Variants in RAF1 observed in about 807,000 individuals in gnomAD.
RAF1 encodes Raf-1 proto-oncogene, serine/threonine kinase.
In RAF1, 27 loss-of-function variants were observed where a neutral mutation model predicts 81.1. That is an observed-to-expected ratio of 0.33 (90% confidence interval 0.25 to 0.46). The LOEUF (loss-of-function observed/expected upper bound fraction) is 0.46, where lower values mean the gene tolerates loss of function less well. Ranked by LOEUF, RAF1 falls within the 20% of genes least tolerant of loss-of-function variation. The pLI is 1.00. For missense variants in RAF1, 598 were observed against 826.0 expected, an observed-to-expected ratio of 0.72 and a Z score of 3.38; for synonymous variants, 298 against 294.0, an observed-to-expected ratio of 1.01 and a Z score of -0.14.
Position 12,609,348 on chromosome 3 carries a change from T to TA in RAF1, c.321-14dup, listed in dbSNP as rs202103447. 4,478 of 1,550,984 alleles carry TA rather than the reference T, an allele frequency of 2.9e-3. 112 individuals carry two copies. The East Asian group carries it at 0.054, about 19-fold the overall frequency. On this transcript the variant is annotated splice_polypyrimidine_tract_variant and intron_variant, in intron 3 of 17. Transcript: ENST00000442415. ...GCGTGCTTTTTTACTAGAAAGGATT[T>TA]AAAAAAAACATGAAATGTTTAAACA...
intron 1 of RAF1, among the ~76,000 whole-genome samples, chr3:12,622,275 G>T (rs1290779029): frequency 6.6e-6 from 1 of 152,178 alleles, no homozygotes; most frequent in African/African-American, 2.4e-5. Context: ...AGACTCATCT[G>T]AGCATCTCAC....
chr3:12,649,618 C>T (rs925882597), intron 1 of RAF1, among the ~76,000 whole-genome samples: 7 of 131,990 alleles, frequency 5.3e-5, no homozygotes, highest in Non-Finnish European at 1.1e-4. Context: ...CACACACACA[C>T]ACAGTTTTCA....
intron 1 of RAF1, among the ~76,000 whole-genome samples, chr3:12,662,338 TA>T (rs61275660): frequency 3.6e-4 from 36 of 100,866 alleles, no homozygotes; most frequent in African/African-American, 9.6e-4. Flanking sequence ...CCTGTTCCTT[TA>T]AAAAAAAAAA....
intron 1 of RAF1, among the ~76,000 whole-genome samples, chr3:12,628,098 A>T (rs776832337): frequency 6.6e-6 from 1 of 152,240 alleles, no homozygotes; most frequent in Non-Finnish European, 1.5e-5. Context: ...GGGCAACAAG[A>T]GTGAAACTCC....
intron 1 of RAF1, among the ~76,000 whole-genome samples, chr3:12,621,695 T>C (rs2059561500): frequency 6.6e-6 from 1 of 152,224 alleles, no homozygotes; most frequent in East Asian, 1.9e-4. Context: ...GCACTATTCA[T>C]ACCCTTGAAA....
At chr3:12,661,958 G>A (rs1159169108) in intron 1 of RAF1, among the ~76,000 whole-genome samples, 2 of 151,848 alleles carry the variant, frequency 1.3e-5, no homozygotes, top group East Asian at 3.9e-4. Flanking sequence ...GCTGAAGCTG[G>A]AGGATCACTT....
chr3:12,596,280 G>A (rs1442014824), intron 11 of RAF1, among the ~76,000 whole-genome samples: 1 of 148,800 alleles, frequency 6.7e-6, no homozygotes, highest in Admixed American at 6.8e-5. Context: ...CTGCAACCTC[G>A]CCTCCTGGGT....
chr3:12,586,382 G>GT (rs1423681952), intron 14 of RAF1, among the ~76,000 whole-genome samples: 1 of 152,020 alleles, frequency 6.6e-6, no homozygotes, highest in East Asian at 1.9e-4. Flanking sequence ...AAGTCATACA[G>GT]TTTAAGTCAA....
intron 1 of RAF1, among the ~76,000 whole-genome samples, chr3:12,650,099 T>TCACG (rs1374441868): frequency 8.0e-6 from 1 of 125,244 alleles, no homozygotes; most frequent in Admixed American, 1.0e-4. Flanking sequence ...TGAGCCAAGA[T>TCACG]CACGCCATTG....
At position 12,607,446 on chromosome 3, in the gene RAF1, G is replaced by A. The variant is rs189690160; in HGVS notation, c.582-1147C>T. Among the ~76,000 whole-genome samples, 27 of 152,186 alleles carry A rather than the reference G, an allele frequency of 1.8e-4. No homozygotes were observed. In the East Asian group the frequency reaches 4.3e-3, roughly 24 times the overall value. ...ACAGATTGCTTGAGCTCAGGAGTTC[G>A]AGACCAGCCTGGGCAACATGCTGAA... is the stretch of plus-strand genomic sequence containing the variant. On this transcript the variant is annotated intron_variant, in intron 5 of 17. Coordinates refer to ENST00000442415, the MANE Select transcript of RAF1 (RefSeq NM_001354689.3).
chr3:12,653,387 C>T (rs1384731171), intron 1 of RAF1, among the ~76,000 whole-genome samples: 1 of 152,190 alleles, frequency 6.6e-6, no homozygotes, highest in African/African-American at 2.4e-5. Context: ...CATGTGTCCA[C>T]TTAAAAGGCC....
At chr3:12,598,073 G>C in intron 11 of RAF1, among the ~76,000 whole-genome samples, 1 of 143,780 alleles carries the variant, frequency 7.0e-6, no homozygotes, top group Admixed American at 7.3e-5. Flanking sequence ...ACAGTAGTGT[G>C]TACTCACTGT....
rs147272633 is a variant in RAF1, at chr3:12,653,197, G to A, written c.-27+10616C>T. On this transcript the variant is annotated intron_variant, in intron 1 of 17. Coordinates refer to ENST00000442415, the MANE Select transcript of RAF1 (RefSeq NM_001354689.3). ...CTTGGGAGACTGAGGCAGGAGAATC[G>A]CTTGAACCTGAGAGGCAGAGGTTGC... Among the ~76,000 whole-genome samples the A allele has an allele frequency of 2.8e-3, 428 of 151,078 alleles. 3 individuals carry two copies. The highest frequency in any genetic ancestry group is 9.8e-3 in the African/African-American group (402 of 41,190).
chr3:12,625,480 A>G (rs940316701), intron 1 of RAF1, among the ~76,000 whole-genome samples: 1 of 152,220 alleles, frequency 6.6e-6, no homozygotes, highest in Non-Finnish European at 1.5e-5. Context: ...ACAGCAATCT[A>G]ATAGTATCTA....
intron 8 of RAF1, among the ~76,000 whole-genome samples, chr3:12,601,868 T>C (rs761527766): frequency 2.6e-5 from 4 of 152,048 alleles, no homozygotes; most frequent in Non-Finnish European, 4.4e-5. Flanking sequence ...TGACTGAGCA[T>C]GTTTTGGAGG....
In RAF1 at chr3:12,608,550, T is replaced by C. The variant is rs117725048; in HGVS notation, c.581+216A>G. The stretch of plus-strand genomic sequence containing the variant: ...AGTATGTCAATCTCAATTTGACAGA[T>C]AACAAGTCCTACTCCTACCTGCTCA... On this transcript the variant is annotated intron_variant, in intron 5 of 17. Coordinates refer to ENST00000442415, the MANE Select transcript of RAF1 (RefSeq NM_001354689.3). The C allele has an allele frequency of 1.2e-5, 7 of 587,092 alleles. No homozygotes were observed. In the East Asian group the frequency reaches 1.7e-4, roughly 15 times the overall value. The allele number at this position is 587,092 out of a possible 1,614,324, so 36.4% of individuals were successfully genotyped here.
At chr3:12,584,820 TCA>T in intron 17 of RAF1, 25 bp downstream of exon 16, 1 of 1,613,964 alleles carries the variant, frequency 6.2e-7, no homozygotes, top group Non-Finnish European at 8.5e-7. Flanking sequence ...CATGCTTTAA[TCA>T]CATTCTAGCA....
At chr3:12,629,689 G>A (rs904787465) in intron 1 of RAF1, among the ~76,000 whole-genome samples, 1 of 152,200 alleles carries the variant, frequency 6.6e-6, no homozygotes, top group Non-Finnish European at 1.5e-5. Flanking sequence ...TTCCTAAGAT[G>A]AGGTGACAGA....
chr3:12,613,391 A>T, intron 2 of RAF1, among the ~76,000 whole-genome samples: 1 of 152,126 alleles, frequency 6.6e-6, no homozygotes, highest in Non-Finnish European at 1.5e-5. Flanking sequence ...AGCTGACAGC[A>T]GCCAGCCAAC....
Sources: gnomAD v4.1 joint callset for allele counts (sites outside exome capture counted in the v4.1 genomes callset) on GRCh38, gnomAD v4.1.1 for gene constraint, MANE v1.5 for transcripts, NCBI Gene and HGNC (gene_info 2026-07-23, HGNC 2026-07-21) for gene names.